Variants in GGNBP2 observed in about 807,000 individuals in gnomAD.
GGNBP2 encodes the protein gametogenetin-binding protein 2.
Under a neutral mutation model 85.9 loss-of-function variants are expected in GGNBP2, and 10 were observed. The ratio of observed to expected loss-of-function variants is 0.12; its 90% confidence interval spans 0.07 to 0.20. GGNBP2 has a LOEUF of 0.20. GGNBP2 is among the 10% of genes least tolerant of loss of function. GGNBP2 has a pLI of 1.00. For synonymous variants in GGNBP2, 287 were observed against 285.7 expected (o/e 1.00, Z -0.05); for missense variants, 595 against 857.8 (o/e 0.69, Z 3.83).
chr17:36,560,146 GA>G (rs1049808366), intron 4 of GGNBP2, among the ~76,000 whole-genome samples: 39 of 152,016 alleles, frequency 2.6e-4, no homozygotes, highest in Non-Finnish European at 4.6e-4. Context: ...CTGTAGAGAT[GA>G]AAATTTTGCT....
At chr17:36,549,417 G>T (rs1305183870) in intron 2 of GGNBP2, among the ~76,000 whole-genome samples, 1 of 152,166 alleles carries the variant, frequency 6.6e-6, no homozygotes, top group East Asian at 1.9e-4. Flanking sequence ...TGTTGGCCAG[G>T]CTGGTCTTGA....
Position 36,557,093 on chromosome 17 carries a change from T to C in GGNBP2, c.185T>C (p.Met62Thr), listed in dbSNP as rs976059132. The change falls in exon 4 of 14, where the codon ATG becomes ACG. Residue 62 changes from methionine (M) to threonine (T), a missense_variant. This residue lies in a region of GGNBP2 where 216 missense variants were observed against 293.4 expected (regional missense o/e 0.74). Transcript: ENST00000613102. ...QLKQFIQRHG[M>T]LKQQDLSIAM... ...CTTTCCCTCTTTCAGCGACATGGTA[T>C]GCTTAAGCAACAGGATCTAAGTATT... is the stretch of plus-strand genomic sequence containing the variant. 9.3e-6 allele frequency: 15 copies of C among 1,614,066 alleles called. No individual in the cohort carries two copies. Among genetic ancestry groups the C allele is most frequent in the Non-Finnish European group, 1.2e-5 (14 of 1,180,038 alleles).
At chr17:36,569,782 A>C (rs948212124) in intron 6 of GGNBP2, among the ~76,000 whole-genome samples, 1 of 152,210 alleles carries the variant, frequency 6.6e-6, no homozygotes, top group Non-Finnish European at 1.5e-5. Flanking sequence ...TTAAATATGA[A>C]TTGATCCTCC....
At chr17:36,560,013 T>A (rs1314227380) in intron 4 of GGNBP2, among the ~76,000 whole-genome samples, 2 of 152,138 alleles carry the variant, frequency 1.3e-5, no homozygotes, top group Non-Finnish European at 2.9e-5. Flanking sequence ...TTTTGTATTT[T>A]TTTTAGCAGA....
At chr17:36,584,250 A>T (rs2074678669) in intron 9 of GGNBP2, among the ~76,000 whole-genome samples, 1 of 152,222 alleles carries the variant, frequency 6.6e-6, no homozygotes, top group Non-Finnish European at 1.5e-5. Context: ...CCAGGAAAAA[A>T]GTTCAGCTTG....
rs748348633 is a variant in GGNBP2 at position 36,576,595 on chromosome 17, A to ATATATATATG, written c.642-1387_642-1386insATATATATGT. 2.7e-4 allele frequency: 14 copies of ATATATATATG among 51,492 alleles called. No homozygotes were observed. The East Asian group carries it at 5.0e-3, about 18-fold the overall frequency. 3.2% of individuals were successfully genotyped at this position (51,492 alleles called of 1,614,324 possible). On this transcript the variant is annotated intron_variant, in intron 6 of 13. Coordinates refer to ENST00000613102, the MANE Select transcript of GGNBP2 (RefSeq NM_024835.5). ...AAAAAAAAAAAAAAAATATATATAT[A>ATATATATATG]TGTGTGTGTGTGTGTGTGTGTGTGT...
chr17:36,546,963 T>G (rs547624039), intron 2 of GGNBP2: 2 of 152,220 alleles, frequency 1.3e-5, no homozygotes, highest in Non-Finnish European at 2.9e-5. Flanking sequence ...GCTGCAGTAC[T>G]TTAAAAAGGA....
intron 6 of GGNBP2, among the ~76,000 whole-genome samples, chr17:36,573,022 C>T (rs553816176): frequency 5.4e-4 from 82 of 152,272 alleles, no homozygotes; most frequent in Non-Finnish European, 1.0e-3. Flanking sequence ...TAGCATATGA[C>T]AGGATTCCCC....
rs192423141 is a variant in GGNBP2 at position 36,572,918 on chromosome 17, G to A, written c.642-5065G>A. ...TATTTTAGATAGCTCATATAAATGG[G>A]ATAATGTAGCACTTGAATTTTTGTG... On this transcript the variant is annotated intron_variant, in intron 6 of 13. Coordinates refer to ENST00000613102, the MANE Select transcript of GGNBP2 (RefSeq NM_024835.5). 1.3e-3 allele frequency among the ~76,000 whole-genome samples: 201 copies of A among 152,080 alleles called. 2 individuals are homozygous for A. The highest frequency in any genetic ancestry group is 4.5e-3 in the African/African-American group (185 of 41,462).
chr17:36,575,640 ATATATATATTTTTT>A (rs1278617903), intron 6 of GGNBP2, among the ~76,000 whole-genome samples: 1 of 50,064 alleles, frequency 2.0e-5, no homozygotes, highest in African/African-American at 9.0e-5. Context: ...ATATATATAT[ATATATATATTTTTT>A]TTTTTTTTTG....
rs74713030 is a variant in GGNBP2 at position 36,570,101 on chromosome 17, G to A, written c.641+2325G>A. ...TCTTCTTTAAAACAAACATAGGCTG[G>A]GCATGGTGGCTCACAACTGTAGTTC... On this transcript the variant is annotated intron_variant, in intron 6 of 13. Coordinates refer to ENST00000613102, the MANE Select transcript of GGNBP2 (RefSeq NM_024835.5). 5.0e-3 allele frequency among the ~76,000 whole-genome samples: 766 copies of A among 152,260 alleles called. 4 individuals are homozygous for A. Among genetic ancestry groups the A allele is most frequent in the African/African-American group, 0.018 (736 of 41,550 alleles).
chr17:36,577,717 T>C (rs1036197488), intron 6 of GGNBP2: 1 of 485,560 alleles, frequency 2.1e-6, no homozygotes, highest in African/African-American at 1.9e-5. Flanking sequence ...GCATGCATTT[T>C]ATGAAATAAT....
chr17:36,563,839 G>A (rs2074443843), intron 5 of GGNBP2, among the ~76,000 whole-genome samples: 1 of 151,652 alleles, frequency 6.6e-6, no homozygotes. Flanking sequence ...TGCCGCCTGG[G>A]TTCAAGTGAT....
intron 6 of GGNBP2, among the ~76,000 whole-genome samples, chr17:36,572,387 T>G (rs2074534737): frequency 6.6e-6 from 1 of 152,164 alleles, no homozygotes; most frequent in South Asian, 2.1e-4. Flanking sequence ...CGCGCGTATG[T>G]GTATATTTTA....
rs2074619968 is a variant in GGNBP2, at chr17:36,579,156, T to A, written c.846-89T>A. ...ACTGTCTTGTTACTAGGTAAGCACA[T>A]TGTGTTTAAAACCTGAACTTGCAGC... On this transcript the variant is annotated intron_variant, in intron 7 of 13. Coordinates refer to ENST00000613102, the MANE Select transcript of GGNBP2 (RefSeq NM_024835.5). 2.8e-6 allele frequency: 3 copies of A among 1,060,538 alleles called. No homozygotes were observed. The East Asian group carries it at 7.1e-5, about 25-fold the overall frequency. The allele number at this position is 1,060,538 out of a possible 1,614,324, so 65.7% of individuals were successfully genotyped here. A position where few individuals can be genotyped will look rare whatever the true frequency, so the allele number is the denominator to read the frequency against.
In GGNBP2 at chr17:36,585,464, T is replaced by G. The variant is rs1211156469; in HGVS notation, c.1366+14T>G. The G allele has an allele frequency of 6.4e-7, 1 of 1,559,932 alleles. No individual in the cohort carries two copies. Among genetic ancestry groups the G allele is most frequent in the East Asian group, 2.3e-5 (1 of 44,438 alleles). On this transcript the variant is annotated intron_variant, in intron 10 of 13. Coordinates refer to ENST00000613102, the MANE Select transcript of GGNBP2 (RefSeq NM_024835.5). ...AAATAAAGAAAGGTAAGTAAATAAT[T>G]TCTTTTTAAAATGAACTCTTAACTC... is the stretch of plus-strand genomic sequence containing the variant.
intron 2 of GGNBP2, among the ~76,000 whole-genome samples, chr17:36,550,826 T>C (rs1372806069): frequency 6.6e-6 from 1 of 152,238 alleles, no homozygotes; most frequent in Non-Finnish European, 1.5e-5. Flanking sequence ...TGTCTTCCTT[T>C]AGGTAACCTA....
At chr17:36,578,958 T>C in intron 7 of GGNBP2, 1 of 298,364 alleles carries the variant, frequency 3.4e-6, no homozygotes, top group Non-Finnish European at 6.3e-6. Flanking sequence ...TACTATGAGC[T>C]GGACACTTCT....
chr17:36,557,223 G>A lies in GGNBP2; in HGVS notation c.315G>A (p.Glu105=). The change falls in exon 4 of 14, where the codon GAG becomes GAA. Residue 105 remains glutamate, a synonymous_variant. Transcript: ENST00000613102. ...SVERLFSQLV[E]SGNPALEPLT... is the part of the protein sequence containing the mutation. ...AGCGTCTCTTTTCCCAGCTTGTAGA[G>A]TCTGGAAATCCTGCTCTTGAACCCC... 2 of 1,614,094 alleles carry A rather than the reference G, an allele frequency of 1.2e-6. No individual in the cohort carries two copies. Among genetic ancestry groups the A allele is most frequent in the East Asian group, 2.2e-5 (1 of 44,876 alleles).
Sources: allele counts gnomAD v4.1 joint callset (sites outside exome capture counted in the v4.1 genomes callset), GRCh38; gene constraint gnomAD v4.1.1; regional missense constraint gnomAD v4.1.1; transcripts MANE v1.5; gene names NCBI Gene and HGNC (gene_info 2026-07-23, HGNC 2026-07-21).